The following RPL6 variants were observed in gnomAD, a reference collection of about 807,000 sequenced individuals.
RPL6 encodes large ribosomal subunit protein eL6.
RPL6 carries 1 observed loss-of-function variant against 32.1 expected under a neutral mutation model. That is an observed-to-expected ratio of 0.03 (90% CI 0.01 to 0.15). The LOEUF (loss-of-function observed/expected upper bound fraction) is 0.15, where lower values mean the gene tolerates loss of function less well. RPL6 is among the 10% of genes least tolerant of loss of function. The probability of loss-of-function intolerance (pLI) is 1.00; values close to 1 mark genes in which losing one functional copy is unlikely to be tolerated. For missense variants in RPL6, 275 were observed against 354.6 expected (o/e 0.78, Z 1.80); for synonymous variants, 126 against 131.6 (o/e 0.96, Z 0.29).
upstream of RPL6, among the ~76,000 whole-genome samples, chr12:112,410,910 A>G (rs2037334318): frequency 6.6e-6 from 1 of 152,096 alleles, no homozygotes; most frequent in Admixed American, 6.6e-5. Flanking sequence ...CATCACCACT[A>G]CAATCATCTG....
At chr12:112,412,334 C>T (rs931750538), upstream of RPL6, among the ~76,000 whole-genome samples, 11 of 152,240 alleles carry the variant, frequency 7.2e-5, no homozygotes, top group African/African-American at 1.7e-4. Flanking sequence ...CCACCTTGCC[C>T]GGCCAATTTT....
intron 6 of RPL6, 26 bp from the exon 7 acceptor site, chr12:112,405,402 T>A (rs1192762861): frequency 6.2e-7 from 1 of 1,609,538 alleles, no homozygotes; most frequent in Admixed American, 1.7e-5. Flanking sequence ...ATCAAACATT[T>A]TAAAACAGGC....
chr12:112,416,081 C>T (rs1309192630), intron 1 of RPL6, among the ~76,000 whole-genome samples: 2 of 149,264 alleles, frequency 1.3e-5, no homozygotes, highest in Non-Finnish European at 3.0e-5. Flanking sequence ...GCCTCAGCCT[C>T]CTGAGTAGCT....
chr12:112,405,452 C>T, intron 6 of RPL6, 76 bp from the exon 7 acceptor site: 1 of 1,339,180 alleles, frequency 7.5e-7, no homozygotes, highest in Non-Finnish European at 1.0e-6. Flanking sequence ...GGAGTCCTGT[C>T]TCACAAGTAC....
At chr12:112,418,705 G>T (rs2037460546) in intron 1 of RPL6, 3 of 337,420 alleles carry the variant, frequency 8.9e-6, no homozygotes, top group Admixed American at 5.3e-5. Context: ...CGGTGGCGTA[G>T]ACGCGGAGCG....
chr12:112,415,873 C>A (rs905740136), intron 1 of RPL6, among the ~76,000 whole-genome samples: 1 of 126,926 alleles, frequency 7.9e-6, no homozygotes, highest in African/African-American at 2.9e-5. Context: ...GGGGATAAAC[C>A]TTTTTTTTTT....
In RPL6 at chr12:112,408,664, T is replaced by G; in HGVS notation, c.1-8A>C. 1 of 1,560,962 alleles carries G rather than the reference T, an allele frequency of 6.4e-7. No homozygotes were observed. Among genetic ancestry groups the G allele is most frequent in the Non-Finnish European group, 8.6e-7 (1 of 1,166,328 alleles). ...AACTTTTTCACCCGCCATCTAAAAA[T>G]ATTTTTTTGTAGATAAAAAAAGGCA... On this transcript the variant is annotated splice_region_variant and splice_polypyrimidine_tract_variant and intron_variant, in intron 1 of 6. Transcript: ENST00000202773.
At chr12:112,408,038 C>T in intron 3 of RPL6, 1 of 579,504 alleles carries the variant, frequency 1.7e-6, no homozygotes. Flanking sequence ...ATATTATATG[C>T]AAAGGAACAA....
At chr12:112,409,336 C>T (rs2037287022) in intron 1 of RPL6, 1 of 395,116 alleles carries the variant, frequency 2.5e-6, no homozygotes, top group Non-Finnish European at 4.5e-6. Context: ...CTACGGGTCC[C>T]CGAAAGGGCC....
In RPL6 at chr12:112,408,047, A is replaced by G. The variant is rs2037229313; in HGVS notation, c.336+193T>C. ...ATTCCCATATTATATGCAAAGGAAC[A>G]AAGCACAGACGAGTAATTTAAATTA... is the stretch of plus-strand genomic sequence containing the variant. On this transcript the variant is annotated intron_variant, in intron 3 of 6. Coordinates refer to ENST00000202773, the MANE Select transcript of RPL6 (RefSeq NM_000970.6). 16 of 592,792 alleles carry G rather than the reference A, an allele frequency of 2.7e-5. No individual in the cohort carries two copies. The South Asian group carries it at 3.3e-4, about 12-fold the overall frequency. 36.7% of individuals were successfully genotyped at this position (592,792 alleles called of 1,614,324 possible).
chr12:112,407,921 T>C, intron 3 of RPL6: 1 of 270,004 alleles, frequency 3.7e-6, no homozygotes, highest in South Asian at 4.4e-5. Context: ...GGTTTCACCA[T>C]GTTGGCCAGG....
chr12:112,416,297 G>A (rs749142082), intron 1 of RPL6, among the ~76,000 whole-genome samples: 10 of 151,914 alleles, frequency 6.6e-5, no homozygotes, highest in Non-Finnish European at 5.9e-5. Flanking sequence ...CCACCACCAC[G>A]CCCAGCTAAT....
At position 112,406,779 on chromosome 12, in the gene RPL6, G is replaced by C. The variant is rs1280267843; in HGVS notation, c.448C>G (p.Leu150Val). 3 of 1,614,140 alleles carry C rather than the reference G, an allele frequency of 1.9e-6. No individual in the cohort carries two copies. The highest frequency in any genetic ancestry group is 2.5e-6 in the Non-Finnish European group (3 of 1,180,050). ...CTGTGGCGTCCAGTGAGGATGATCA[G>C]AATGGTCCCGGGGGTAATGCTGGCT... ...LRASITPGTI[L>V]IILTGRHRGK... Residue 150 changes from leucine to valine, a missense_variant, in exon 4 of 7, where the codon CTG becomes GTG. By Grantham distance (32) the Leu-to-Val change is conservative (BLOSUM62 1). Transcript: ENST00000202773.
At chr12:112,412,935 T>A (rs1255448543), upstream of RPL6, among the ~76,000 whole-genome samples, 3 of 149,936 alleles carry the variant, frequency 2.0e-5, no homozygotes, top group Non-Finnish European at 4.4e-5. Flanking sequence ...AATAAATAAA[T>A]AAATAAATAA....
rs370516836 is a variant in RPL6, at chr12:112,408,356, C to T, written c.238-18G>A. ...TTTTCAACCTACAAGGACACAAATG[C>T]ATCAACAGTAAGAGAATGCCAATTA... On this transcript the variant is annotated intron_variant, in intron 2 of 6. Transcript: ENST00000202773. 3.6e-4 allele frequency: 583 copies of T among 1,613,556 alleles called. No individual in the cohort carries two copies. Among genetic ancestry groups the T allele is most frequent in the Non-Finnish European group, 4.6e-4 (543 of 1,179,596 alleles).
upstream of RPL6, chr12:112,410,470 G>A (rs1227398633): frequency 6.5e-6 from 1 of 153,460 alleles, no homozygotes; most frequent in Non-Finnish European, 1.4e-5. Context: ...TAAGGATGTT[G>A]GGAACATTAA....
chr12:112,410,925 TC>T (rs2037334667), upstream of RPL6, among the ~76,000 whole-genome samples: 1 of 152,192 alleles, frequency 6.6e-6, no homozygotes, highest in Admixed American at 6.5e-5. Context: ...CATCTGATCA[TC>T]AACATCCTAG....
chr12:112,407,893 T>C (rs2037224070), intron 3 of RPL6: 1 of 215,310 alleles, frequency 4.6e-6, no homozygotes, highest in African/African-American at 2.4e-5. Context: ...CTAATTTGTA[T>C]ATTTTTACTA....
In RPL6 at chr12:112,406,007, C is replaced by T. The variant is rs1484433336; in HGVS notation, c.560G>A (p.Arg187Gln). Reference sequence around the variant, plus strand: ...AATGACAAATTTCTGGTGTGTTCTTCGTAGAGGAACTCGATTGAGGACCAG... The same window carrying T: ...AATGACAAATTTCTGGTGTGTTCTTTGTAGAGGAACTCGATTGAGGACCAG... ...GPLVLNRVPL[R>Q]RTHQKFVIAT... Residue 187 changes from arginine (R) to glutamine (Q), a missense_variant, in exon 6 of 7, where the codon CGA becomes CAA. Arg to Gln is a conservative substitution (Grantham distance 43). Coordinates refer to ENST00000202773, the MANE Select transcript of RPL6 (RefSeq NM_000970.6). 9.3e-6 allele frequency: 15 copies of T among 1,613,570 alleles called. No homozygotes were observed. Among genetic ancestry groups the T allele is most frequent in the African/African-American group, 1.3e-5 (1 of 74,958 alleles).
Sources: gnomAD v4.1 joint callset for allele counts (sites outside exome capture counted in the v4.1 genomes callset) on GRCh38, gnomAD v4.1.1 for gene constraint, MANE v1.5 for transcripts, NCBI Gene and HGNC (gene_info 2026-07-23, HGNC 2026-07-21) for gene names.